Variants in RAD51B observed in about 807,000 individuals in gnomAD.
The protein encoded by RAD51B is RAD51 paralog B.
Under a neutral mutation model 42.2 loss-of-function variants are expected in RAD51B, and 38 were observed. That is an observed-to-expected ratio of 0.90 (90% CI 0.70 to 1.18). RAD51B has a LOEUF of 1.18. Ranked by LOEUF, RAD51B falls within the 50% of genes most tolerant of loss-of-function variation. The pLI is 0.00. For synonymous variants in RAD51B, 154 were observed against 145.2 expected (o/e 1.06, Z -0.43); for missense variants, 373 against 400.7 (o/e 0.93, Z 0.59).
chr14:68,567,024 G>A (rs1889454860), intron 10 of RAD51B, among the ~76,000 whole-genome samples: 1 of 152,154 alleles, frequency 6.6e-6, no homozygotes, highest in African/African-American at 2.4e-5. Context: ...TTACTGGCCG[G>A]CACGGTGGCT....
At chr14:68,121,101 C>G (rs1208107460) in intron 7 of RAD51B, among the ~76,000 whole-genome samples, 1 of 152,146 alleles carries the variant, frequency 6.6e-6, no homozygotes, top group Non-Finnish European at 1.5e-5. Flanking sequence ...GAAATTATCT[C>G]TTTACGCACT....
chr14:68,121,931 A>G (rs1235950351), intron 7 of RAD51B, among the ~76,000 whole-genome samples: 1 of 151,954 alleles, frequency 6.6e-6, no homozygotes, highest in Admixed American at 6.6e-5. Flanking sequence ...TGGAAGGAGT[A>G]TAAGATATAT....
At chr14:68,236,726 A>G (rs79111519) in intron 7 of RAD51B, among the ~76,000 whole-genome samples, 4,461 of 152,180 alleles carry the variant, frequency 0.029, 222 homozygotes, top group African/African-American at 0.1. Context: ...TAAAACACTG[A>G]CCCCTTCTAG....
intron 9 of RAD51B, among the ~76,000 whole-genome samples, chr14:68,425,908 T>C (rs1051914776): frequency 2.0e-5 from 3 of 151,638 alleles, no homozygotes; most frequent in Admixed American, 6.6e-5. Context: ...AGAATGTTAG[T>C]AGAAATAGAG....
intron 7 of RAD51B, among the ~76,000 whole-genome samples, chr14:68,241,867 C>T (rs1398679110): frequency 6.6e-6 from 1 of 152,090 alleles, no homozygotes; most frequent in Non-Finnish European, 1.5e-5. Flanking sequence ...AGCTGTGCAA[C>T]CTTGGGCCTA....
At chr14:68,073,991 G>A (rs1403735950) in intron 7 of RAD51B, among the ~76,000 whole-genome samples, 2 of 152,106 alleles carry the variant, frequency 1.3e-5, no homozygotes, top group Admixed American at 6.5e-5. Context: ...AGGATTTGAC[G>A]ACTGGGTGCT....
At chr14:68,419,729 G>T (rs1385661653) in intron 9 of RAD51B, among the ~76,000 whole-genome samples, 1 of 152,166 alleles carries the variant, frequency 6.6e-6, no homozygotes, top group East Asian at 1.9e-4. Flanking sequence ...AACCAACTTT[G>T]TCTGATCTTG....
intron 8 of RAD51B, among the ~76,000 whole-genome samples, chr14:68,307,574 T>C (rs2081893302): frequency 6.6e-6 from 1 of 152,242 alleles, no homozygotes; most frequent in Admixed American, 6.5e-5. Flanking sequence ...CAAGCAGTTT[T>C]TGGGACTTGC....
In RAD51B at chr14:68,091,151, G is replaced by A. The variant is rs576703878; in HGVS notation, c.757-200733G>A. Among the ~76,000 whole-genome samples, 110 of 152,064 alleles carry A rather than the reference G, an allele frequency of 7.2e-4. 1 individual carries two copies. Among genetic ancestry groups the A allele is most frequent in the Middle Eastern group, 3.4e-3 (1 of 294 alleles). On this transcript the variant is annotated intron_variant, in intron 7 of 10. Transcript: ENST00000471583. The stretch of plus-strand genomic sequence containing the variant: ...AGTCTTTGCTATTGTGAATAGTGCC[G>A]CAATAAACATACGTTTGCATGTGTC...
intron 7 of RAD51B, among the ~76,000 whole-genome samples, chr14:67,895,810 C>A (rs1812701123): frequency 6.6e-6 from 1 of 152,130 alleles, no homozygotes; most frequent in South Asian, 2.1e-4. Context: ...GGTATACTAC[C>A]CCGAGACCTC....
At chr14:68,112,514 A>G (rs181005266) in intron 7 of RAD51B, among the ~76,000 whole-genome samples, 8 of 152,142 alleles carry the variant, frequency 5.3e-5, no homozygotes, top group Non-Finnish European at 7.4e-5. Flanking sequence ...TTCTTCATGC[A>G]GATAGTCTTT....
chr14:68,184,992 C>CATT (rs2079129444), intron 7 of RAD51B, among the ~76,000 whole-genome samples: 1 of 151,986 alleles, frequency 6.6e-6, no homozygotes, highest in African/African-American at 2.4e-5. Context: ...ATATTGGAAA[C>CATT]CTAAGTGGTT....
chr14:67,934,568 T>G (rs2044865512), intron 7 of RAD51B, among the ~76,000 whole-genome samples: 1 of 151,964 alleles, frequency 6.6e-6, no homozygotes, highest in Admixed American at 6.6e-5. Flanking sequence ...CTAAAGGGAG[T>G]TTAAAATATC....
chr14:68,482,109 TTACTTTTAC>T (rs1883225494), downstream of RAD51B, among the ~76,000 whole-genome samples: 5 of 51,444 alleles, frequency 9.7e-5, no homozygotes, highest in South Asian at 0.011. Context: ...GTATCATTAA[TTACTTTTAC>T]TGAAAGTAAT....
At chr14:68,553,306 A>G (rs1888669189) in intron 10 of RAD51B, among the ~76,000 whole-genome samples, 1 of 152,206 alleles carries the variant, frequency 6.6e-6, no homozygotes. Context: ...ATTTCTATAG[A>G]AAGAGTAATA....
At chr14:68,549,468 T>C (rs1015798963) in intron 10 of RAD51B, among the ~76,000 whole-genome samples, 6 of 126,990 alleles carry the variant, frequency 4.7e-5, no homozygotes, top group Admixed American at 3.8e-4. Flanking sequence ...CAGGCTGGAG[T>C]GCAGTGGCGC....
intron 7 of RAD51B, among the ~76,000 whole-genome samples, chr14:68,003,283 A>G (rs879767797): frequency 6.6e-6 from 1 of 152,086 alleles, no homozygotes; most frequent in East Asian, 1.9e-4. Context: ...CTTTGTAGCA[A>G]TTGTGAATGG....
At chr14:67,926,747 A>G (rs10150330) in intron 7 of RAD51B, among the ~76,000 whole-genome samples, 9,047 of 151,650 alleles carry the variant, frequency 0.06, 632 homozygotes, top group African/African-American at 0.17. Flanking sequence ...TGTTTTTAGT[A>G]GGGGTGGGGT....
At chr14:67,898,799 C>G (rs779777535) in intron 7 of RAD51B, among the ~76,000 whole-genome samples, 1 of 152,080 alleles carries the variant, frequency 6.6e-6, no homozygotes, top group Non-Finnish European at 1.5e-5. Context: ...TCAAGAGGCA[C>G]TTAATTAACT....
Sources: gnomAD v4.1 joint callset for allele counts (sites outside exome capture counted in the v4.1 genomes callset) on GRCh38, gnomAD v4.1.1 for gene constraint, MANE v1.5 for transcripts, NCBI Gene and HGNC (gene_info 2026-07-23, HGNC 2026-07-21) for gene names.